The following CTDSP1 variants were observed in gnomAD, a reference collection of about 807,000 sequenced individuals.
The protein encoded by CTDSP1 is CTD small phosphatase 1, also known as carboxy-terminal domain RNA polymerase II polypeptide A small phosphatase 1.
CTDSP1 carries 15 observed loss-of-function variants against 32.5 expected under a neutral mutation model. The observed-to-expected ratio is 0.46, with a 90% CI of 0.31 to 0.71. The LOEUF (loss-of-function observed/expected upper bound fraction) is 0.71. Ranked by LOEUF, CTDSP1 falls within the 30% of genes least tolerant of loss-of-function variation. The pLI, the probability that CTDSP1 is intolerant of heterozygous loss-of-function variation, is 0.05. For synonymous variants in CTDSP1, 185 were observed against 145.4 expected, an observed-to-expected ratio of 1.27 and a Z score of -1.96; for missense variants, 294 against 351.1, an observed-to-expected ratio of 0.84 and a Z score of 1.30.
intron 2 of CTDSP1, 109 bp downstream of exon 2, chr2:218,401,821 G>A (rs1245534170): frequency 1.8e-6 from 2 of 1,123,892 alleles, no homozygotes; most frequent in Middle Eastern, 2.8e-4. Flanking sequence ...AGACCTGAAA[G>A]GTGCAGAGTA....
At chr2:218,404,055 G>A (rs1239311210) in intron 6 of CTDSP1, among the ~76,000 whole-genome samples, 1 of 150,564 alleles carries the variant, frequency 6.6e-6, no homozygotes, top group Non-Finnish European at 1.5e-5. Context: ...GCAAGACCCT[G>A]CCTCAAAAAA....
intron 1 of CTDSP1, 111 bp downstream of exon 1, chr2:218,400,268 T>A: frequency 1.0e-6 from 1 of 985,512 alleles, no homozygotes; most frequent in Non-Finnish European, 1.5e-6. Context: ...CCGCCTTAGC[T>A]GTGCCCGAAG....
chr2:218,398,332 G>GA, upstream of CTDSP1: 1 of 1,290,388 alleles, frequency 7.7e-7, no homozygotes, highest in Non-Finnish European at 1.1e-6. Context: ...CGTTCTAAGG[G>GA]GTAAATGAGA....
In CTDSP1 at chr2:218,402,101, C is replaced by G. The variant is rs764364919; in HGVS notation, c.217-10C>G. 2 of 1,600,676 alleles carry G rather than the reference C, an allele frequency of 1.2e-6. No homozygotes were observed. The highest frequency in any genetic ancestry group is 3.3e-5 in the Admixed American group (2 of 59,814). Reference sequence around the variant, plus strand: ...GAGAGGCACCCCAGCCAGCCCCGCCCTCCCTACAGCAGACCCCAGTCCAAT... The same window carrying G: ...GAGAGGCACCCCAGCCAGCCCCGCCGTCCCTACAGCAGACCCCAGTCCAAT... On this transcript the variant is annotated splice_polypyrimidine_tract_variant and intron_variant, in intron 2 of 6. Transcript: ENST00000273062.
At chr2:218,398,530 CGAAGCCGCCGCGCCTTCTG>C (rs1291166902), upstream of CTDSP1, 6 of 1,301,400 alleles carry the variant, frequency 4.6e-6, no homozygotes, top group Admixed American at 2.0e-4. Context: ...CCTCAGCGCA[CGAAGCCGCCGCGCCTTCTG>C]GCAGACGCCG....
intron 4 of CTDSP1, chr2:218,402,811 C>T (rs1697220886): frequency 4.3e-6 from 3 of 692,372 alleles, no homozygotes; most frequent in Non-Finnish European, 5.4e-6. Context: ...GAATTAGGGA[C>T]CTCGTGAGGT....
intron 1 of CTDSP1, 62 bp from the exon 2 acceptor site, chr2:218,401,502 C>G: frequency 6.3e-7 from 1 of 1,587,902 alleles, no homozygotes; most frequent in Non-Finnish European, 8.6e-7. Flanking sequence ...CACCTGGGCA[C>G]ACATGCAGGA....
chr2:218,402,451 G>T (rs377203158), intron 4 of CTDSP1, 46 bp downstream of exon 4: 48 of 1,570,638 alleles, frequency 3.1e-5, no homozygotes, highest in Admixed American at 1.0e-4. Context: ...TCTGCCTCCA[G>T]ACCCTAGGCT....
upstream of CTDSP1, chr2:218,398,752 G>A (rs774341621): frequency 3.2e-5 from 9 of 278,536 alleles, no homozygotes; most frequent in South Asian, 1.7e-4. Flanking sequence ...GTCGGGCTTG[G>A]CATTATTAAT....
chr2:218,402,974 C>A, intron 4 of CTDSP1, 61 bp from the exon 5 acceptor site: 1 of 1,286,764 alleles, frequency 7.8e-7, no homozygotes, highest in Non-Finnish European at 1.1e-6. Context: ...GCCCTGCCAG[C>A]CCTCGGCCAC....
Position 218,400,157 on chromosome 2 carries a change from G to A in CTDSP1, c.67G>A (p.Gly23Ser). 6.5e-7 allele frequency: 1 copy of A among 1,544,752 alleles called. No homozygotes were observed. The highest frequency in any genetic ancestry group is 8.7e-7 in the Non-Finnish European group (1 of 1,145,122). Residue 23 changes from glycine (G) to serine (S), a missense_variant and splice_region_variant, in exon 1 of 7, where the codon GGT becomes AGT. By Grantham distance (56) the Gly-to-Ser change is moderately conservative. This residue lies in a region of CTDSP1 where 148 missense variants were observed against 113.3 expected (regional missense o/e 1.31). Transcript: ENST00000273062. ...EEARGPLRGK[G>S]DQKSAASQKP... ...GGCTCGGGGCCCGCTGCGGGGCAAA[G>A]GTACCGGGGCTGCGGGGAGGGGGCC... is the stretch of plus-strand genomic sequence containing the variant.
chr2:218,400,864 C>T (rs978305770), intron 1 of CTDSP1: 1 of 456,298 alleles, frequency 2.2e-6, no homozygotes, highest in South Asian at 1.5e-5. Flanking sequence ...TCCTTTTCCC[C>T]GTGTGGACCT....
intron 1 of CTDSP1, chr2:218,400,841 G>A (rs1032417059): frequency 8.8e-6 from 4 of 455,728 alleles, no homozygotes; most frequent in African/African-American, 8.0e-5. Context: ...CCGGGGTGGG[G>A]GGGTCTGTCT....
In CTDSP1 at chr2:218,404,445, A is replaced by G. The variant is rs1358012757; in HGVS notation, c.*20A>G. On this transcript the variant is annotated 3_prime_UTR_variant, in exon 7 of 7. Transcript: ENST00000273062. ...AGCTAGTGAGGGTGATGGGGCCAGG[A>G]CCTGCCCCTGACCAATGATACCCAC... The G allele has an allele frequency of 3.1e-6, 5 of 1,613,258 alleles. No homozygotes were observed. Among genetic ancestry groups the G allele is most frequent in the South Asian group, 1.1e-5 (1 of 91,034 alleles).
chr2:218,403,928 C>T (rs575749559), intron 6 of CTDSP1, among the ~76,000 whole-genome samples: 126 of 152,200 alleles, frequency 8.3e-4, no homozygotes, highest in Non-Finnish European at 1.3e-3. Flanking sequence ...GGCGTGGTGG[C>T]GCATGCCTGG....
intron 1 of CTDSP1, chr2:218,400,434 G>A: frequency 1.8e-6 from 1 of 545,598 alleles, no homozygotes. Context: ...TTCCTGGCAG[G>A]CATTGCGTGG....
Position 218,404,326 on chromosome 2 carries a change from G to A in CTDSP1, c.687G>A (p.Met229Ile). ...AVPVASWFDN[M>I]SDTELHDLLP... is the part of the protein sequence containing the mutation. ...CGGTGGCCTCGTGGTTTGACAACAT[G>A]AGTGACACAGAGCTCCACGACCTCC... Residue 229 changes from methionine (M) to isoleucine (I), a missense_variant, in exon 7 of 7, where the codon ATG (methionine) becomes ATA (isoleucine). By Grantham distance (10) the Met-to-Ile change is conservative. This residue lies in a region of CTDSP1 where 146 missense variants were observed against 237.7 expected (regional missense o/e 0.61). Transcript: ENST00000273062. 2 of 1,614,144 alleles carry A rather than the reference G, an allele frequency of 1.2e-6. No individual in the cohort carries two copies. Among genetic ancestry groups the A allele is most frequent in the Non-Finnish European group, 1.7e-6 (2 of 1,180,002 alleles).
chr2:218,401,630 G>C lies in CTDSP1; in HGVS notation c.134G>C (p.Cys45Ser). The change falls in exon 2 of 7, where the codon TGT becomes TCT. Residue 45 changes from cysteine (C) to serine (S), a missense_variant. Transcript: ENST00000273062. ...GGCATCCTCCACTCACTCTTCTGCT[G>C]TGTCTGCCGGGATGATGGGGAGGCC... ...SRGILHSLFC[C>S]VCRDDGEALP... 1 of 1,613,584 alleles carries C rather than the reference G, an allele frequency of 6.2e-7. No individual in the cohort carries two copies. Among genetic ancestry groups the C allele is most frequent in the Non-Finnish European group, 8.5e-7 (1 of 1,179,806 alleles).
Position 218,399,935 on chromosome 2 carries a change from TC to T in CTDSP1, c.-150del, listed in dbSNP as rs1176333709. The T allele has an allele frequency of 1.1e-5, 6 of 536,826 alleles. No homozygotes were observed. Among genetic ancestry groups the T allele is most frequent in the Non-Finnish European group, 1.1e-5 (5 of 451,244 alleles). 33.3% of individuals were successfully genotyped at this position (536,826 alleles called of 1,614,324 possible). On this transcript the variant is annotated 5_prime_UTR_variant, in exon 1 of 7. Transcript: ENST00000273062. ...TTCCTCCGCGCCCCCTCCCTCCCCC[TC>T]CCCCCTAGAACCTGGCTCCCCTCCC...
Sources: gnomAD v4.1 joint callset for allele counts (sites outside exome capture counted in the v4.1 genomes callset) on GRCh38, gnomAD v4.1.1 for gene constraint, gnomAD v4.1.1 regional missense constraint, MANE v1.5 for transcripts, NCBI Gene and HGNC (gene_info 2026-07-23, HGNC 2026-07-21) for gene names.